The following BTBD10 variants were observed in gnomAD, a reference collection of about 807,000 sequenced individuals.
BTBD10 encodes BTB domain containing 10.
Under a neutral mutation model 53.2 loss-of-function variants are expected in BTBD10, and 21 were observed. The ratio of observed to expected loss-of-function variants is 0.39; its 90% confidence interval spans 0.28 to 0.57. BTBD10 has a LOEUF of 0.57. Ranked by LOEUF, BTBD10 falls within the 20% of genes least tolerant of loss-of-function variation. The pLI, the probability that BTBD10 is intolerant of heterozygous loss-of-function variation, is 0.53. For missense variants in BTBD10, 360 were observed against 594.7 expected (o/e 0.61, Z 4.10); for synonymous variants, 149 against 192.7 (o/e 0.77, Z 1.88).
intron 2 of BTBD10, among the ~76,000 whole-genome samples, chr11:13,426,674 T>C (rs560670520): frequency 4.6e-5 from 7 of 152,152 alleles, no homozygotes; most frequent in Non-Finnish European, 8.8e-5. Flanking sequence ...TAAAGATGTA[T>C]ACTGTTAATA....
At chr11:13,394,719 C>T (rs1473744604) in intron 8 of BTBD10, among the ~76,000 whole-genome samples, 9 of 149,632 alleles carry the variant, frequency 6.0e-5, no homozygotes, top group Non-Finnish European at 8.9e-5. Context: ...ACAACAGTCC[C>T]GTGTGTGATG....
intron 8 of BTBD10, among the ~76,000 whole-genome samples, chr11:13,398,716 G>C (rs1005285494): frequency 3.3e-5 from 5 of 152,126 alleles, no homozygotes; most frequent in African/African-American, 1.2e-4. Context: ...CTTCCTTCAG[G>C]AGCTCTTGTA....
intron 3 of BTBD10, 72 bp downstream of exon 3, chr11:13,421,570 T>A: frequency 1.5e-6 from 2 of 1,340,722 alleles, no homozygotes; most frequent in Non-Finnish European, 2.1e-6. Context: ...CACAATTCAA[T>A]GTCATTACTA....
chr11:13,429,875 G>A (rs1565255992), intron 2 of BTBD10, among the ~76,000 whole-genome samples: 1 of 152,280 alleles, frequency 6.6e-6, no homozygotes, highest in East Asian at 1.9e-4. Context: ...AGGTTGAGGT[G>A]GGAGGATGGC....
intron 1 of BTBD10, among the ~76,000 whole-genome samples, chr11:13,455,001 C>A (rs1656184398): frequency 1.3e-5 from 2 of 152,342 alleles, no homozygotes; most frequent in South Asian, 4.1e-4. Flanking sequence ...ACCTCTGCCT[C>A]CCGGGTTCAA....
intron 2 of BTBD10, among the ~76,000 whole-genome samples, chr11:13,443,730 C>A (rs946756321): frequency 1.3e-5 from 2 of 151,938 alleles, no homozygotes; most frequent in African/African-American, 4.8e-5. Context: ...ATTACAGGTG[C>A]ATGCCACCAT....
Position 13,447,243 on chromosome 11 carries a change from G to A in BTBD10, c.-57-2062C>T, listed in dbSNP as rs1236192687. 5.3e-5 allele frequency among the ~76,000 whole-genome samples: 8 copies of A among 152,096 alleles called. No homozygotes were observed. In the East Asian group the frequency reaches 1.5e-3, roughly 29 times the overall value. ...AGCCTCCCAAAGTGGTAGGATTACA[G>A]GCATGAGCCATGGCACCCAGCCGTT... is the stretch of plus-strand genomic sequence containing the variant. On this transcript the variant is annotated intron_variant, in intron 1 of 8. Coordinates refer to ENST00000278174, the MANE Select transcript of BTBD10 (RefSeq NM_032320.7).
intron 1 of BTBD10, among the ~76,000 whole-genome samples, chr11:13,455,499 T>C (rs1565274974): frequency 6.6e-6 from 1 of 152,200 alleles, no homozygotes; most frequent in African/African-American, 2.4e-5. Context: ...GTACCTACAT[T>C]ACATGATTAG....
intron 6 of BTBD10, among the ~76,000 whole-genome samples, chr11:13,411,855 G>C (rs1457205393): frequency 6.7e-6 from 1 of 150,160 alleles, no homozygotes; most frequent in Non-Finnish European, 1.5e-5. Context: ...TTTTGAGATG[G>C]AGTTTCACTC....
intron 2 of BTBD10, among the ~76,000 whole-genome samples, chr11:13,434,348 G>C (rs1047171138): frequency 6.6e-6 from 1 of 152,146 alleles, no homozygotes; most frequent in African/African-American, 2.4e-5. Context: ...GGTCAAAGTA[G>C]AACTCTCTGA....
intron 3 of BTBD10, among the ~76,000 whole-genome samples, chr11:13,420,088 T>C (rs2133967121): frequency 6.6e-6 from 1 of 152,230 alleles, no homozygotes; most frequent in South Asian, 2.1e-4. Flanking sequence ...TTCTCACAAG[T>C]AAAATAAATA....
At chr11:13,417,919 T>C (rs1950154434) in intron 4 of BTBD10, among the ~76,000 whole-genome samples, 1 of 152,174 alleles carries the variant, frequency 6.6e-6, no homozygotes, top group South Asian at 2.1e-4. Context: ...AATGACTTTA[T>C]GATTTTTTCA....
chr11:13,399,537 T>A (rs1949655583), intron 8 of BTBD10, among the ~76,000 whole-genome samples: 1 of 152,212 alleles, frequency 6.6e-6, no homozygotes, highest in Non-Finnish European at 1.5e-5. Context: ...GAAGCCTTCC[T>A]CTCTCAACTC....
intron 5 of BTBD10, among the ~76,000 whole-genome samples, chr11:13,414,844 G>GAAAAA (rs71041526): frequency 0.011 from 922 of 84,104 alleles, no homozygotes; most frequent in East Asian, 0.019. Flanking sequence ...CATCTCAAAC[G>GAAAAA]AAAAAAAAAA....
intron 6 of BTBD10, among the ~76,000 whole-genome samples, chr11:13,407,393 T>C (rs1422382555): frequency 6.6e-6 from 1 of 152,174 alleles, no homozygotes. Context: ...TCAAACTCAA[T>C]ACATCCAAAA....
intron 2 of BTBD10, among the ~76,000 whole-genome samples, chr11:13,422,411 G>A (rs774200018): frequency 6.6e-6 from 1 of 152,170 alleles, no homozygotes; most frequent in Non-Finnish European, 1.5e-5. Context: ...GCTTTGGGAG[G>A]CCAATGCGGG....
At chr11:13,405,628 CA>C (rs1390938532) in intron 7 of BTBD10, 30 bp downstream of exon 7, 1 of 1,609,116 alleles carries the variant, frequency 6.2e-7, no homozygotes, top group Non-Finnish European at 8.5e-7. Flanking sequence ...CGTGATGATT[CA>C]GGGGAGAGAA....
In BTBD10 at chr11:13,388,800, T is replaced by TA. The variant is rs766991258; in HGVS notation, c.*30dup. 1 of 1,585,628 alleles carries TA rather than the reference T, an allele frequency of 6.3e-7. No individual in the cohort carries two copies. Among genetic ancestry groups the TA allele is most frequent in the Non-Finnish European group, 8.6e-7 (1 of 1,164,328 alleles). ...GAGAGTACAACGTCACTGTGAAGAGTAGCATGCTATGGTTTCAAGGAAGAT... is the reference window on the plus strand; with the variant it reads ...GAGAGTACAACGTCACTGTGAAGAGTAAGCATGCTATGGTTTCAAGGAAGAT... On this transcript the variant is annotated 3_prime_UTR_variant, in exon 9 of 9. Coordinates refer to ENST00000278174, the MANE Select transcript of BTBD10 (RefSeq NM_032320.7).
chr11:13,398,163 T>A (rs1020945972), intron 8 of BTBD10, among the ~76,000 whole-genome samples: 254 of 152,262 alleles, frequency 1.7e-3, no homozygotes, highest in African/African-American at 5.8e-3. Flanking sequence ...CCCATTATTA[T>A]TGTGTGGGAG....
Sources: allele counts gnomAD v4.1 joint callset (sites outside exome capture counted in the v4.1 genomes callset), GRCh38; gene constraint gnomAD v4.1.1; transcripts MANE v1.5; gene names NCBI Gene and HGNC (gene_info 2026-07-23, HGNC 2026-07-21).